SHISA9: variants seen among roughly 807,000 people sequenced by gnomAD.
SHISA9 encodes the protein shisa family member 9, also known as protein shisa-9.
SHISA9 carries 13 observed loss-of-function variants against 38.0 expected under a neutral mutation model. That is an observed-to-expected ratio of 0.34 (90% CI 0.22 to 0.54). The LOEUF (loss-of-function observed/expected upper bound fraction) is 0.54. Among genes scored for constraint, SHISA9 ranks in the 20% least tolerant of loss-of-function variants. The pLI, the probability that SHISA9 is intolerant of heterozygous loss-of-function variation, is 0.91. For missense variants in SHISA9, 538 were observed against 575.8 expected, an observed-to-expected ratio of 0.93 and a Z score of 0.67; for synonymous variants, 275 against 242.0, an observed-to-expected ratio of 1.14 and a Z score of -1.27.
At chr16:13,347,132 G>C in the SHISA9 span, among the ~76,000 whole-genome samples, 7 of 152,296 alleles carry the variant, frequency 4.6e-5, no homozygotes, top group Admixed American at 2.6e-4. Context: ...AAAATACAAT[G>C]TCAAGGATGC....
At position 13,237,532 on chromosome 16, in the gene SHISA9, G is replaced by A. The variant is rs1322844922; in HGVS notation, c.*2123G>A. The A allele has an allele frequency of 6.6e-6, 1 of 151,718 alleles. No homozygotes were observed. Among genetic ancestry groups the A allele is most frequent in the Admixed American group, 6.6e-5 (1 of 15,206 alleles). 9.4% of individuals were successfully genotyped at this position (151,718 alleles called of 1,614,324 possible). On this transcript the variant is annotated 3_prime_UTR_variant, in exon 5 of 5. Transcript: ENST00000558583. Reference sequence around the variant, plus strand: ...ACAAACATTAGCTGGGCATGGTGGTGGGTGCCTGTAATCCCAACTACTCGA... The same window carrying A: ...ACAAACATTAGCTGGGCATGGTGGTAGGTGCCTGTAATCCCAACTACTCGA...
Position 13,011,423 on chromosome 16 carries a change from T to C in SHISA9, c.691+94608T>C, listed in dbSNP as rs2072673002. Among the ~76,000 whole-genome samples the C allele has an allele frequency of 2.0e-5, 3 of 151,036 alleles. 1 individual carries two copies. Among genetic ancestry groups the C allele is most frequent in the Admixed American group, 2.0e-4 (3 of 15,144 alleles). ...ACCACAGTTCTCATGTTTAGATCTCTAGACTTGCTCATCCTACATATCTGC... is the reference window on the plus strand; with the variant it reads ...ACCACAGTTCTCATGTTTAGATCTCCAGACTTGCTCATCCTACATATCTGC... On this transcript the variant is annotated intron_variant, in intron 2 of 4. Transcript: ENST00000558583.
At chr16:12,970,151 A>T (rs1249502478) in intron 2 of SHISA9, among the ~76,000 whole-genome samples, 1 of 149,920 alleles carries the variant, frequency 6.7e-6, no homozygotes, top group Non-Finnish European at 1.5e-5. Context: ...AATAATAGAT[A>T]CTATCCTTAT....
At chr16:12,983,428 C>A (rs765267933) in intron 2 of SHISA9, among the ~76,000 whole-genome samples, 7 of 152,132 alleles carry the variant, frequency 4.6e-5, no homozygotes, top group Non-Finnish European at 8.8e-5. Flanking sequence ...GCACTGCATC[C>A]AACACATAGT....
At chr16:13,256,554 A>T in the SHISA9 span, among the ~76,000 whole-genome samples, 2 of 152,362 alleles carry the variant, frequency 1.3e-5, no homozygotes, top group African/African-American at 4.8e-5. Context: ...TGCTGGGATT[A>T]CAGGCGTGAG....
At chr16:13,436,359 A>T in the SHISA9 span, among the ~76,000 whole-genome samples, 1 of 152,266 alleles carries the variant, frequency 6.6e-6, no homozygotes, top group Non-Finnish European at 1.5e-5. Context: ...GCTAAAGGAC[A>T]ATTTCACCAG....
chr16:13,029,426 C>T (rs2072964498), intron 2 of SHISA9, among the ~76,000 whole-genome samples: 1 of 152,148 alleles, frequency 6.6e-6, no homozygotes. Flanking sequence ...GGCAACACAG[C>T]AAAACCTCGT....
At chr16:13,388,979 T>C in the SHISA9 span, among the ~76,000 whole-genome samples, 5 of 152,228 alleles carry the variant, frequency 3.3e-5, no homozygotes, top group South Asian at 4.1e-4. Context: ...GGTATAGAGT[T>C]CCCATATACC....
At chr16:13,295,020 T>A in the SHISA9 span, among the ~76,000 whole-genome samples, 1 of 152,158 alleles carries the variant, frequency 6.6e-6, no homozygotes, top group Non-Finnish European at 1.5e-5. Flanking sequence ...ATTGCCATTT[T>A]ACAGATTAAA....
the SHISA9 span, among the ~76,000 whole-genome samples, chr16:13,550,965 T>C: frequency 6.6e-6 from 1 of 151,830 alleles, no homozygotes; most frequent in South Asian, 2.1e-4. Flanking sequence ...CTACTAAAAA[T>C]ACAAAAAATT....
chr16:13,380,648 ACTTTT>A, the SHISA9 span, among the ~76,000 whole-genome samples: 1 of 152,170 alleles, frequency 6.6e-6, no homozygotes, highest in Non-Finnish European at 1.5e-5. Context: ...AGAAATAATA[ACTTTT>A]CTTTTTTAAA....
chr16:13,549,182 A>T, the SHISA9 span, among the ~76,000 whole-genome samples: 56 of 152,340 alleles, frequency 3.7e-4, no homozygotes, highest in African/African-American at 1.3e-3. Flanking sequence ...ATATAAGTAG[A>T]AAGTAAAATA....
chr16:13,461,523 G>A, the SHISA9 span, among the ~76,000 whole-genome samples: 3 of 150,414 alleles, frequency 2.0e-5, no homozygotes, highest in African/African-American at 7.3e-5. Context: ...AAGTTGTAGC[G>A]AGCCGAGACT....
chr16:13,054,109 C>A (rs951107587), intron 2 of SHISA9, among the ~76,000 whole-genome samples: 1 of 152,180 alleles, frequency 6.6e-6, no homozygotes, highest in Non-Finnish European at 1.5e-5. Context: ...GGTATGTCTT[C>A]CCTATTAGAA....
At chr16:13,469,378 AAAGAAAGAAAG>A in the SHISA9 span, among the ~76,000 whole-genome samples, 2 of 87,008 alleles carry the variant, frequency 2.3e-5, no homozygotes, top group African/African-American at 8.2e-5. Flanking sequence ...AGAAAGAAAG[AAAGAAAGAAAG>A]AAAGAAAGAA....
chr16:13,495,587 C>T, the SHISA9 span, among the ~76,000 whole-genome samples: 1 of 152,092 alleles, frequency 6.6e-6, no homozygotes, highest in East Asian at 1.9e-4. Flanking sequence ...ACTTCCAAAA[C>T]TTTCTGCAGT....
At chr16:13,115,453 C>T (rs967741812) in intron 2 of SHISA9, among the ~76,000 whole-genome samples, 2 of 152,218 alleles carry the variant, frequency 1.3e-5, no homozygotes, top group African/African-American at 2.4e-5. Context: ...CAGGAACACA[C>T]CCTTAAGACA....
the SHISA9 span, among the ~76,000 whole-genome samples, chr16:13,518,484 C>G: frequency 6.6e-6 from 1 of 152,156 alleles, no homozygotes; most frequent in Non-Finnish European, 1.5e-5. Flanking sequence ...TTTCCTCAAT[C>G]TATCTTGCTG....
At chr16:13,248,711 ACCAGG>A in the SHISA9 span, among the ~76,000 whole-genome samples, 1 of 152,318 alleles carries the variant, frequency 6.6e-6, no homozygotes, top group Admixed American at 6.5e-5. Flanking sequence ...CCCATTAGGA[ACCAGG>A]CTAATGTGGT....
Sources: allele counts gnomAD v4.1 joint callset (sites outside exome capture counted in the v4.1 genomes callset), GRCh38; gene constraint gnomAD v4.1.1; transcripts MANE v1.5; gene names NCBI Gene and HGNC (gene_info 2026-07-23, HGNC 2026-07-21).